The following HSD17B4 variants were observed in gnomAD, a reference collection of about 807,000 sequenced individuals.
The protein encoded by HSD17B4 is hydroxysteroid 17-beta dehydrogenase 4, also known as peroxisomal multifunctional enzyme type 2.
HSD17B4 carries 70 observed loss-of-function variants against 101.0 expected under a neutral mutation model. The ratio of observed to expected loss-of-function variants is 0.69; its 90% CI spans 0.57 to 0.85. HSD17B4 has a LOEUF of 0.85. HSD17B4 is among the 40% of genes least tolerant of loss of function. The probability of loss-of-function intolerance (pLI) is 0.00; values close to 1 mark genes in which losing one functional copy is unlikely to be tolerated. For missense variants in HSD17B4, 984 were observed against 892.4 expected, an observed-to-expected ratio of 1.10 and a Z score of -1.31; for synonymous variants, 347 against 297.1, an observed-to-expected ratio of 1.17 and a Z score of -1.73.
At chr5:119,540,473 C>A (rs190783836) in intron 23 of HSD17B4, among the ~76,000 whole-genome samples, 39 of 152,280 alleles carry the variant, frequency 2.6e-4, no homozygotes, top group Admixed American at 1.1e-3. Flanking sequence ...ATTTTTACTT[C>A]TAGTAATTAG....
intron 22 of HSD17B4, among the ~76,000 whole-genome samples, chr5:119,533,992 GT>G (rs1278999842): frequency 6.6e-6 from 1 of 151,966 alleles, no homozygotes; most frequent in African/African-American, 2.4e-5. Context: ...GAAATATATT[GT>G]TTGTATGTAT....
At chr5:119,506,067 G>A (rs1751622024) in intron 14 of HSD17B4, among the ~76,000 whole-genome samples, 1 of 152,134 alleles carries the variant, frequency 6.6e-6, no homozygotes, top group South Asian at 2.1e-4. Flanking sequence ...TGCACAATGT[G>A]CAGTTTTGTT....
At chr5:119,514,291 C>G (rs1189049214) in intron 16 of HSD17B4, among the ~76,000 whole-genome samples, 3 of 152,092 alleles carry the variant, frequency 2.0e-5, no homozygotes, top group African/African-American at 7.2e-5. Flanking sequence ...TGAAAAATCA[C>G]TAATTTCTTA....
At chr5:119,527,267 TC>T in intron 20 of HSD17B4, 48 bp downstream of exon 20, 2 of 1,060,826 alleles carry the variant, frequency 1.9e-6, no homozygotes, top group Non-Finnish European at 3.0e-6. Context: ...ATCATTGTGT[TC>T]CATCTTACCA....
chr5:119,494,110 G>T (rs1332309421), intron 11 of HSD17B4, among the ~76,000 whole-genome samples, 164 bp downstream of exon 11: 1 of 152,126 alleles, frequency 6.6e-6, no homozygotes, highest in Non-Finnish European at 1.5e-5. Context: ...TCACATTTAA[G>T]ATATTTATGT....
intron 11 of HSD17B4, among the ~76,000 whole-genome samples, chr5:119,495,324 A>G (rs1750533609): frequency 1.3e-5 from 2 of 152,246 alleles, no homozygotes; most frequent in Admixed American, 6.5e-5. Context: ...ATCTAATTGA[A>G]TTATTATAAC....
intron 23 of HSD17B4, among the ~76,000 whole-genome samples, chr5:119,539,082 T>C (rs1406664339): frequency 1.3e-5 from 2 of 152,072 alleles, no homozygotes; most frequent in East Asian, 3.8e-4. Flanking sequence ...CATGTCAGAC[T>C]CTATAGTATA....
At chr5:119,472,377 A>G (rs888749873) in intron 2 of HSD17B4, 1 of 152,006 alleles carries the variant, frequency 6.6e-6, no homozygotes, top group Non-Finnish European at 1.5e-5. Flanking sequence ...ACAATATAGT[A>G]TTGTTATAGG....
intron 22 of HSD17B4, among the ~76,000 whole-genome samples, chr5:119,533,645 T>C (rs1263596523): frequency 6.6e-6 from 1 of 152,088 alleles, no homozygotes; most frequent in Non-Finnish European, 1.5e-5. Flanking sequence ...ACCAACACTG[T>C]AGCCAACCAA....
chr5:119,530,845 C>CAAAA (rs11423247), intron 21 of HSD17B4, among the ~76,000 whole-genome samples: 9 of 56,314 alleles, frequency 1.6e-4, no homozygotes, highest in South Asian at 7.8e-4. Flanking sequence ...AAGTCTGTCT[C>CAAAA]AAAAAAAAAA....
intron 16 of HSD17B4, among the ~76,000 whole-genome samples, chr5:119,512,305 T>C (rs1752247047): frequency 6.6e-6 from 1 of 152,106 alleles, no homozygotes; most frequent in South Asian, 2.1e-4. Flanking sequence ...GAGGAAATAA[T>C]GGCTTCTGAT....
intron 8 of HSD17B4, among the ~76,000 whole-genome samples, chr5:119,486,251 G>C (rs1247009383): frequency 6.6e-6 from 1 of 152,068 alleles, no homozygotes; most frequent in East Asian, 1.9e-4. Context: ...CTATCCTGTT[G>C]ATCACACAGA....
chr5:119,471,899 T>A (rs1756409658), intron 2 of HSD17B4, among the ~76,000 whole-genome samples: 1 of 152,224 alleles, frequency 6.6e-6, no homozygotes, highest in Non-Finnish European at 1.5e-5. Context: ...CATCGCATAC[T>A]TAACTTTCAA....
chr5:119,469,748 A>T (rs951820766), intron 2 of HSD17B4, among the ~76,000 whole-genome samples: 6 of 152,192 alleles, frequency 3.9e-5, no homozygotes, highest in South Asian at 2.1e-4. Flanking sequence ...TTTTGTAGGG[A>T]AAGACTTTTT....
At chr5:119,497,304 G>C (rs537088165) in intron 12 of HSD17B4, among the ~76,000 whole-genome samples, 36 of 152,148 alleles carry the variant, frequency 2.4e-4, no homozygotes, top group African/African-American at 8.7e-4. Flanking sequence ...GACTCAGGGA[G>C]GTACTGAATG....
At chr5:119,500,483 G>A (rs918396684) in intron 13 of HSD17B4, among the ~76,000 whole-genome samples, 2 of 152,044 alleles carry the variant, frequency 1.3e-5, no homozygotes, top group African/African-American at 4.8e-5. Flanking sequence ...TTAAGGTGGG[G>A]TTGATCAGGA....
At chr5:119,495,393 C>T (rs987274389) in intron 11 of HSD17B4, among the ~76,000 whole-genome samples, 1 of 152,102 alleles carries the variant, frequency 6.6e-6, no homozygotes, top group Non-Finnish European at 1.5e-5. Flanking sequence ...ATGATCTTTT[C>T]GATAAGAATT....
At chr5:119,481,531 CAT>C (rs1749131510) in intron 8 of HSD17B4, among the ~76,000 whole-genome samples, 1 of 152,150 alleles carries the variant, frequency 6.6e-6, no homozygotes. Flanking sequence ...TAAAGCAAGT[CAT>C]ATAAATTTTT....
intron 15 of HSD17B4, among the ~76,000 whole-genome samples, chr5:119,507,338 T>C (rs578118060): frequency 6.6e-6 from 1 of 152,346 alleles, no homozygotes; most frequent in East Asian, 1.9e-4. Context: ...GCTCCTAGAC[T>C]TGTGCTTTTA....
Sources: gnomAD v4.1 joint callset for allele counts (sites outside exome capture counted in the v4.1 genomes callset) on GRCh38, gnomAD v4.1.1 for gene constraint, MANE v1.5 for transcripts, NCBI Gene and HGNC (gene_info 2026-07-23, HGNC 2026-07-21) for gene names.